DPP4: variants seen among roughly 807,000 people sequenced by gnomAD.
The protein encoded by DPP4 is ADCP-2.
In DPP4, 93 loss-of-function variants were observed where a neutral mutation model predicts 122.4. The ratio of observed to expected loss-of-function variants is 0.76; its 90% CI spans 0.64 to 0.90. The LOEUF (loss-of-function observed/expected upper bound fraction) is 0.90, where lower values mean the gene tolerates loss of function less well. DPP4 is among the 40% of genes least tolerant of loss of function. DPP4 has a pLI of 0.00. For missense variants in DPP4, 914 were observed against 907.3 expected, an observed-to-expected ratio of 1.01 and a Z score of -0.09; for synonymous variants, 321 against 302.9, an observed-to-expected ratio of 1.06 and a Z score of -0.62.
intron 23 of DPP4, among the ~76,000 whole-genome samples, chr2:161,998,676 G>A (rs940934440): frequency 1.3e-5 from 2 of 152,126 alleles, no homozygotes; most frequent in African/African-American, 4.8e-5. Context: ...GACCAAAACA[G>A]TTTCTGGCTG....
intron 1 of DPP4, 46 bp from the exon 2 acceptor site, chr2:162,073,532 C>T: frequency 1.3e-6 from 2 of 1,594,332 alleles, no homozygotes; most frequent in South Asian, 1.1e-5. Flanking sequence ...AGCGTGTGGC[C>T]CCAGTTTCCG....
At chr2:162,034,327 C>T (rs1475813759) in intron 9 of DPP4, among the ~76,000 whole-genome samples, 2 of 151,894 alleles carry the variant, frequency 1.3e-5, no homozygotes, top group African/African-American at 2.4e-5. Context: ...GTGCCAGTTT[C>T]GCTCATCAAA....
chr2:162,054,265 A>T (rs532907252), intron 2 of DPP4, among the ~76,000 whole-genome samples: 5 of 152,284 alleles, frequency 3.3e-5, no homozygotes, highest in African/African-American at 1.2e-4. Flanking sequence ...CACACAACTT[A>T]TTTGATTTCA....
At chr2:162,008,541 T>C (rs200539483) in intron 22 of DPP4, 21 bp downstream of exon 22, 2 of 1,604,472 alleles carry the variant, frequency 1.2e-6, no homozygotes, top group Non-Finnish European at 1.7e-6. Context: ...TATCTCTTTG[T>C]ACCTGGCAGC....
intron 23 of DPP4, among the ~76,000 whole-genome samples, chr2:162,001,746 C>T (rs967229010): frequency 1.3e-5 from 2 of 152,162 alleles, no homozygotes; most frequent in African/African-American, 4.8e-5. Flanking sequence ...AGGGTTGCCT[C>T]TTTGGATCTG....
Position 162,074,151 on chromosome 2 carries a change from A to G in DPP4, c.-170T>C. On this transcript the variant is annotated 5_prime_UTR_variant, in exon 1 of 26. Transcript: ENST00000360534. ...AGTGAGCGCCGAGCCCGCTGGGTATAAAGGCGCCGCGGGCAGGCTGCAGGG... is the reference window on the plus strand; with the variant it reads ...AGTGAGCGCCGAGCCCGCTGGGTATGAAGGCGCCGCGGGCAGGCTGCAGGG... 7.5e-7 allele frequency: 1 copy of G among 1,336,550 alleles called. No homozygotes were observed. The highest frequency in any genetic ancestry group is 9.6e-7 in the Non-Finnish European group (1 of 1,045,112). 82.8% of individuals were successfully genotyped at this position (1,336,550 alleles called of 1,614,324 possible). A position where few individuals can be genotyped will look rare whatever the true frequency, so the allele number is the denominator to read the frequency against.
intron 23 of DPP4, among the ~76,000 whole-genome samples, chr2:161,996,909 G>C (rs1559702858): frequency 6.6e-6 from 1 of 152,078 alleles, no homozygotes; most frequent in Non-Finnish European, 1.5e-5. Flanking sequence ...AACAAGGGTG[G>C]GCTACTGTAA....
chr2:162,035,295 A>G lies in DPP4; in HGVS notation c.643T>C (p.Trp215Arg), dbSNP rs2106120093. The G allele has an allele frequency of 1.2e-6, 2 of 1,614,012 alleles. No individual in the cohort carries two copies. Among genetic ancestry groups the G allele is most frequent in the Non-Finnish European group, 1.7e-6 (2 of 1,179,928 alleles). ...AAAAAAGTGCCGTTTGGAGACCACC[A>G]CAGAGCAGAGTAGGCACTGAAGACT... The part of the protein sequence containing the change: ...EEVFSAYSAL[W>R]WSPNGTFLAY... The change falls in exon 9 of 26, where the codon TGG becomes CGG. Residue 215 changes from tryptophan (W) to arginine (R), a missense_variant. Transcript: ENST00000360534.
At position 162,022,914 on chromosome 2, in the gene DPP4, C is replaced by T. The variant is rs551257262; in HGVS notation, c.1024-115G>A. 5.7e-4 allele frequency: 568 copies of T among 999,714 alleles called. 2 individuals are homozygous for T. In the African/African-American group the frequency reaches 7.8e-3, roughly 14 times the overall value. The allele number at this position is 999,714 out of a possible 1,614,324, so 61.9% of individuals were successfully genotyped here. A position where few individuals can be genotyped will look rare whatever the true frequency, so the allele number is the denominator to read the frequency against. On this transcript the variant is annotated intron_variant, in intron 11 of 25. Coordinates refer to ENST00000360534, the MANE Select transcript of DPP4 (RefSeq NM_001935.4). ...ACTTATAATAACTGAGAGCTATCTC[C>T]ATTCATATATTTCTATTTATGTTAG...
chr2:162,042,992 T>C (rs952248592), intron 5 of DPP4, among the ~76,000 whole-genome samples: 2 of 152,070 alleles, frequency 1.3e-5, no homozygotes, highest in Admixed American at 1.3e-4. Flanking sequence ...AAGCATATGA[T>C]GATGGAGAAG....
At chr2:162,035,987 A>G (rs919331032) in intron 8 of DPP4, among the ~76,000 whole-genome samples, 1 of 152,154 alleles carries the variant, frequency 6.6e-6, no homozygotes, top group African/African-American at 2.4e-5. Context: ...CAAATAAAAG[A>G]CCAGATCTTG....
intron 2 of DPP4, among the ~76,000 whole-genome samples, chr2:162,063,899 G>A (rs1037285759): frequency 6.6e-6 from 1 of 152,088 alleles, no homozygotes; most frequent in Non-Finnish European, 1.5e-5. Context: ...AAATAGAGAT[G>A]GAAAAAATGA....
Position 162,029,628 on chromosome 2 carries a change from C to T in DPP4, c.887+3913G>A, listed in dbSNP as rs111925535. Among the ~76,000 whole-genome samples the T allele has an allele frequency of 9.1e-3, 1,384 of 152,298 alleles. 16 individuals are homozygous for T. The highest frequency in any genetic ancestry group is 0.032 in the African/African-American group (1,321 of 41,556). ...GGCTTTGATGTTGCAGCTTTATAGG[C>T]CAGGGGTCGTAACAGTTCAGAGAAG... On this transcript the variant is annotated intron_variant, in intron 10 of 25. Coordinates refer to ENST00000360534, the MANE Select transcript of DPP4 (RefSeq NM_001935.4).
Position 162,045,539 on chromosome 2 carries a change from T to A in DPP4, c.359A>T (p.Tyr120Phe), listed in dbSNP as rs1393587022. Residue 120 changes from tyrosine (Y) to phenylalanine (F), a missense_variant, in exon 5 of 26, where the codon TAC (tyrosine) becomes TTC (phenylalanine). Transcript: ENST00000360534. ...DGQFILLEYN[Y>F]VKQWRHSYTA... ...AGAAAGCATTTATTTTACCTTCACGTAGTTGTATTCTAAGAGAATAAACTG... is the reference window on the plus strand; with the variant it reads ...AGAAAGCATTTATTTTACCTTCACGAAGTTGTATTCTAAGAGAATAAACTG... 6.2e-7 allele frequency: 1 copy of A among 1,605,916 alleles called. No homozygotes were observed. The highest frequency in any genetic ancestry group is 8.5e-7 in the Non-Finnish European group (1 of 1,172,674).
intron 5 of DPP4, among the ~76,000 whole-genome samples, chr2:162,045,253 G>GT (rs1684130941): frequency 6.6e-6 from 1 of 152,090 alleles, no homozygotes; most frequent in Non-Finnish European, 1.5e-5. Flanking sequence ...AAATATGTGT[G>GT]TAAGTACAAA....
chr2:162,015,871 C>T (rs567184061), intron 18 of DPP4, among the ~76,000 whole-genome samples: 7 of 152,198 alleles, frequency 4.6e-5, no homozygotes, highest in Non-Finnish European at 7.3e-5. Flanking sequence ...TCTTGCCCCT[C>T]ACGTGTGGCT....
intron 23 of DPP4, among the ~76,000 whole-genome samples, chr2:161,996,679 TGA>T (rs906909890): frequency 1.3e-5 from 2 of 152,090 alleles, no homozygotes; most frequent in African/African-American, 4.8e-5. Context: ...TAAGATATTT[TGA>T]GAGAGAGAGA....
rs1684141716 is a variant in DPP4 at position 162,045,548 on chromosome 2, T to G, written c.350A>C (p.Glu117Ala). Residue 117 changes from glutamate (E) to alanine (A), a missense_variant, in exon 5 of 26, where the codon GAA (glutamate) becomes GCA (alanine). By Grantham distance (107) the Glu-to-Ala change is moderately radical. Coordinates refer to ENST00000360534, the MANE Select transcript of DPP4 (RefSeq NM_001935.4). ...ISPDGQFILL[E>A]YNYVKQWRHS... ...TTATTTTACCTTCACGTAGTTGTAT[T>G]CTAAGAGAATAAACTGCCCATCAGG... The G allele has an allele frequency of 3.7e-6, 6 of 1,609,832 alleles. No homozygotes were observed. Among genetic ancestry groups the G allele is most frequent in the Non-Finnish European group, 5.1e-6 (6 of 1,176,232 alleles).
chr2:162,020,620 T>C lies in DPP4; in HGVS notation c.1137A>G (p.Glu379=). The C allele has an allele frequency of 1.2e-6, 2 of 1,612,868 alleles. No homozygotes were observed. The highest frequency in any genetic ancestry group is 1.7e-5 in the Admixed American group (1 of 59,790). ...NSFYKIISNE[E]GYRHICYFQI... ...GGAAATAGCAAATGTGTCTGTAACC[T>C]TCTTCATTGCTGATGATCTTGTAGA... is the stretch of plus-strand genomic sequence containing the variant. Residue 379 remains glutamate (E), a synonymous_variant, in exon 13 of 26, where the codon GAA becomes GAG. Transcript: ENST00000360534.
Sources: allele counts gnomAD v4.1 joint callset (sites outside exome capture counted in the v4.1 genomes callset), GRCh38; gene constraint gnomAD v4.1.1; transcripts MANE v1.5; gene names NCBI Gene and HGNC (gene_info 2026-07-23, HGNC 2026-07-21).